NR3C2: variants seen among roughly 807,000 people sequenced by gnomAD.
The protein encoded by NR3C2 is mineralocorticoid receptor.
Under a neutral mutation model 86.4 loss-of-function variants are expected in NR3C2, and 15 were observed. The ratio of observed to expected loss-of-function variants is 0.17; its 90% CI spans 0.12 to 0.27. The LOEUF is 0.27. NR3C2 is among the 10% of genes least tolerant of loss of function. The probability of loss-of-function intolerance (pLI) is 1.00; values close to 1 mark genes in which losing one functional copy is unlikely to be tolerated. For synonymous variants in NR3C2, 458 were observed against 450.5 expected, an observed-to-expected ratio of 1.02 and a Z score of -0.21; for missense variants, 960 against 1,195.6, an observed-to-expected ratio of 0.80 and a Z score of 2.91.
intron 3 of NR3C2, among the ~76,000 whole-genome samples, chr4:148,214,977 G>A (rs998431193): frequency 3.3e-5 from 4 of 122,988 alleles, no homozygotes; most frequent in African/African-American, 9.2e-5. Flanking sequence ...GCCTGGGGCT[G>A]CGTGCAGCCT....
At chr4:148,262,056 C>T (rs550236914) in intron 2 of NR3C2, among the ~76,000 whole-genome samples, 16 of 152,208 alleles carry the variant, frequency 1.1e-4, no homozygotes, top group East Asian at 5.8e-4. Flanking sequence ...GCACCAGTAA[C>T]TTCTTCAACA....
chr4:148,298,083 C>T (rs1742152819), intron 2 of NR3C2, among the ~76,000 whole-genome samples: 1 of 152,062 alleles, frequency 6.6e-6, no homozygotes. Flanking sequence ...CCAACAATTC[C>T]CCTCTTAGAT....
intron 2 of NR3C2, among the ~76,000 whole-genome samples, chr4:148,379,461 C>T (rs1029340947): frequency 4.6e-5 from 7 of 152,096 alleles, no homozygotes; most frequent in African/African-American, 9.7e-5. Context: ...AGAGTCCCAC[C>T]GGGGATGAGC....
At position 148,361,883 on chromosome 4, in the gene NR3C2, G is replaced by C. The variant is rs942155602; in HGVS notation, c.1757+73221C>G. ...ACAGAGTTTCACTCCTATCACCAAG[G>C]CTGGAGTGCAGTGGCACGATCTTGG... On this transcript the variant is annotated intron_variant, in intron 2 of 8. Transcript: ENST00000358102. Among the ~76,000 whole-genome samples, 9 of 152,182 alleles carry C rather than the reference G, an allele frequency of 5.9e-5. No homozygotes were observed. The South Asian group carries it at 8.3e-4, about 14-fold the overall frequency.
intron 2 of NR3C2, among the ~76,000 whole-genome samples, chr4:148,325,542 G>A (rs1318473315): frequency 6.6e-6 from 1 of 152,194 alleles, no homozygotes; most frequent in Non-Finnish European, 1.5e-5. Flanking sequence ...AACACTGCTT[G>A]AAATCTTAGT....
intron 3 of NR3C2, among the ~76,000 whole-genome samples, chr4:148,222,106 C>A (rs1320328168): frequency 6.6e-6 from 1 of 152,040 alleles, no homozygotes; most frequent in East Asian, 1.9e-4. Context: ...CTGTTATTGA[C>A]ACCAAAGCAA....
At chr4:148,097,745 T>C (rs1352521437) in intron 8 of NR3C2, among the ~76,000 whole-genome samples, 1 of 113,594 alleles carries the variant, frequency 8.8e-6, no homozygotes, top group East Asian at 2.4e-4. Context: ...TTTTGCGTTT[T>C]TTTTTGTTTT....
In NR3C2 at chr4:148,079,463, A is replaced by G. The variant is rs558250906; in HGVS notation, c.*1881T>C. ...AATTAATTGCTGCTTCCTCGTGGCC[A>G]TGGGCTTCTCCAGCTACAGCTTTTA... On this transcript the variant is annotated 3_prime_UTR_variant, in exon 9 of 9. Coordinates refer to ENST00000358102, the MANE Select transcript of NR3C2 (RefSeq NM_000901.5). 6.5e-6 allele frequency: 1 copy of G among 152,706 alleles called. No individual in the cohort carries two copies. The highest frequency in any genetic ancestry group is 2.1e-4 in the South Asian group (1 of 4,832). The allele number at this position is 152,706 out of a possible 1,614,324, so 9.5% of individuals were successfully genotyped here.
intron 4 of NR3C2, among the ~76,000 whole-genome samples, chr4:148,178,983 C>A (rs992005467): frequency 1.3e-5 from 2 of 148,952 alleles, no homozygotes; most frequent in African/African-American, 4.9e-5. Context: ...AAGAGAAAGT[C>A]CTAGAAATTG....
At chr4:148,261,858 C>A (rs1034769671) in intron 2 of NR3C2, among the ~76,000 whole-genome samples, 1 of 152,180 alleles carries the variant, frequency 6.6e-6, no homozygotes, top group Non-Finnish European at 1.5e-5. Context: ...TATACTCTCA[C>A]GAAAAACAGA....
intron 4 of NR3C2, among the ~76,000 whole-genome samples, chr4:148,155,798 C>T (rs1238293434): frequency 5.9e-5 from 9 of 151,962 alleles, no homozygotes; most frequent in Non-Finnish European, 1.2e-4. Context: ...GAGCCTGCAT[C>T]GCCAAGTCAA....
At chr4:148,434,935 C>T (rs553922934) in intron 2 of NR3C2, among the ~76,000 whole-genome samples, 169 bp downstream of exon 2, 2 of 152,200 alleles carry the variant, frequency 1.3e-5, no homozygotes, top group Admixed American at 1.3e-4. Flanking sequence ...TGCTTTTTCC[C>T]TCTACTTCAA....
intron 2 of NR3C2, among the ~76,000 whole-genome samples, chr4:148,431,219 T>C (rs1402957143): frequency 1.3e-5 from 2 of 152,168 alleles, no homozygotes; most frequent in Non-Finnish European, 2.9e-5. Flanking sequence ...AGTAAAATCA[T>C]AGATCGCCCC....
chr4:148,402,802 C>A (rs1479230553), intron 2 of NR3C2, among the ~76,000 whole-genome samples: 1 of 151,868 alleles, frequency 6.6e-6, no homozygotes, highest in Non-Finnish European at 1.5e-5. Flanking sequence ...CAATGGAAAG[C>A]AAAACAAGCT....
intron 3 of NR3C2, among the ~76,000 whole-genome samples, chr4:148,203,205 A>G (rs1189753976): frequency 1.3e-5 from 2 of 152,146 alleles, no homozygotes; most frequent in Admixed American, 6.5e-5. Flanking sequence ...TCATTCAAAC[A>G]TGGGAACTAT....
intron 4 of NR3C2, among the ~76,000 whole-genome samples, chr4:148,166,230 C>T (rs1189802120): frequency 1.3e-5 from 2 of 152,210 alleles, no homozygotes; most frequent in Admixed American, 6.5e-5. Flanking sequence ...AAGTGATTAT[C>T]TTGCAGTTGC....
intron 4 of NR3C2, among the ~76,000 whole-genome samples, chr4:148,184,246 C>T (rs1007791530): frequency 7.3e-5 from 11 of 150,718 alleles, no homozygotes; most frequent in Admixed American, 5.3e-4. Flanking sequence ...GTCAGGAGTT[C>T]GAGACCAGCC....
chr4:148,199,186 C>G (rs187668613), intron 3 of NR3C2, among the ~76,000 whole-genome samples: 1 of 151,474 alleles, frequency 6.6e-6, no homozygotes. Context: ...AGCAGAATGT[C>G]GCCTTTGAGT....
chr4:148,367,620 C>T (rs1746213762), intron 2 of NR3C2, among the ~76,000 whole-genome samples: 1 of 152,054 alleles, frequency 6.6e-6, no homozygotes, highest in South Asian at 2.1e-4. Flanking sequence ...AGTTCATTAG[C>T]TTAACCACAA....
Sources: allele counts gnomAD v4.1 joint callset (sites outside exome capture counted in the v4.1 genomes callset), GRCh38; gene constraint gnomAD v4.1.1; transcripts MANE v1.5; gene names NCBI Gene and HGNC (gene_info 2026-07-23, HGNC 2026-07-21).